The following ATP2B4 variants were observed in gnomAD, a reference collection of about 807,000 sequenced individuals.
The protein encoded by ATP2B4 is plasma membrane calcium-transporting ATPase 4.
A neutral mutation model predicts 110.3 loss-of-function variants in ATP2B4; 39 were observed. The observed-to-expected ratio is 0.35, with a 90% CI of 0.27 to 0.46. The LOEUF (loss-of-function observed/expected upper bound fraction) is 0.46, where lower values mean the gene tolerates loss of function less well. Ranked by LOEUF, ATP2B4 falls within the 20% of genes least tolerant of loss-of-function variation. ATP2B4 has a pLI of 1.00. For missense variants in ATP2B4, 1,135 were observed against 1,530.9 expected (o/e 0.74, Z 4.32); for synonymous variants, 538 against 571.7 (o/e 0.94, Z 0.84).
intron 1 of ATP2B4, among the ~76,000 whole-genome samples, chr1:203,673,346 C>T (rs948418378): frequency 6.6e-6 from 1 of 152,200 alleles, no homozygotes; most frequent in Non-Finnish European, 1.5e-5. Flanking sequence ...AAACATTACT[C>T]AAGTGCAAGG....
At chr1:203,738,668 A>C (rs761367844) in intron 20 of ATP2B4, among the ~76,000 whole-genome samples, 4 of 152,168 alleles carry the variant, frequency 2.6e-5, no homozygotes, top group African/African-American at 4.8e-5. Flanking sequence ...CACAATTTGG[A>C]AACAGCTAGA....
chr1:203,655,646 A>AAAC (rs1035864480), intron 1 of ATP2B4, among the ~76,000 whole-genome samples: 35 of 151,736 alleles, frequency 2.3e-4, no homozygotes, highest in Non-Finnish European at 3.7e-4. Flanking sequence ...ACTCCATCTC[A>AAAC]AATAATAATA....
chr1:203,711,693 A>G (rs1666013263), intron 12 of ATP2B4, among the ~76,000 whole-genome samples: 1 of 152,222 alleles, frequency 6.6e-6, no homozygotes, highest in South Asian at 2.1e-4. Flanking sequence ...TTGTAAGTGA[A>G]AGAGCAAGTT....
chr1:203,657,456 G>C, intron 1 of ATP2B4: 2 of 785,892 alleles, frequency 2.5e-6, no homozygotes, highest in Non-Finnish European at 4.7e-6. Context: ...TTTGGCTCGA[G>C]ATTGTCCCTC....
intron 1 of ATP2B4, among the ~76,000 whole-genome samples, chr1:203,672,324 C>CTTTTTTTTTTTTTTTTT (rs57144862): frequency 1.3e-5 from 1 of 79,626 alleles, no homozygotes; most frequent in Admixed American, 1.6e-4. Context: ...TGCGGTGGCT[C>CTTTTTTTTTTTTTTTTT]TTTTTTTTTT....
chr1:203,719,437 C>G (rs555197596), intron 15 of ATP2B4, among the ~76,000 whole-genome samples: 1 of 151,784 alleles, frequency 6.6e-6, no homozygotes, highest in Non-Finnish European at 1.5e-5. Context: ...AGTCTGGGCA[C>G]GGTGGCACAT....
chr1:203,710,220 A>C (rs1359373337), intron 11 of ATP2B4, among the ~76,000 whole-genome samples: 2 of 151,936 alleles, frequency 1.3e-5, no homozygotes, highest in Non-Finnish European at 2.9e-5. Flanking sequence ...AAATACAAAA[A>C]TTAGCCAGGC....
At chr1:203,718,326 T>C (rs1571759031) in intron 15 of ATP2B4, among the ~76,000 whole-genome samples, 1 of 152,080 alleles carries the variant, frequency 6.6e-6, no homozygotes, top group East Asian at 1.9e-4. Flanking sequence ...TGAGACACAG[T>C]CTCACTCTGT....
chr1:203,653,111 A>G (rs574504318), intron 1 of ATP2B4, among the ~76,000 whole-genome samples: 1 of 152,362 alleles, frequency 6.6e-6, no homozygotes, highest in South Asian at 2.1e-4. Flanking sequence ...TAACACACAA[A>G]TGATAAAAAA....
intron 1 of ATP2B4, among the ~76,000 whole-genome samples, chr1:203,665,321 C>G (rs1007894042): frequency 6.6e-6 from 1 of 152,220 alleles, no homozygotes; most frequent in East Asian, 1.9e-4. Flanking sequence ...TAGTGGGAGG[C>G]CCACGCTGTG....
chr1:203,681,571 G>C (rs1665014438), intron 1 of ATP2B4, among the ~76,000 whole-genome samples: 1 of 152,148 alleles, frequency 6.6e-6, no homozygotes, highest in African/African-American at 2.4e-5. Context: ...AGTGACACCT[G>C]TCAGTGGCAT....
At chr1:203,719,208 G>C (rs1666244194) in intron 15 of ATP2B4, among the ~76,000 whole-genome samples, 1 of 128,232 alleles carries the variant, frequency 7.8e-6, no homozygotes. Flanking sequence ...CTAGATGACA[G>C]AGCAAGACCC....
At chr1:203,655,075 T>C (rs931121122) in intron 1 of ATP2B4, among the ~76,000 whole-genome samples, 2 of 152,040 alleles carry the variant, frequency 1.3e-5, no homozygotes, top group Non-Finnish European at 2.9e-5. Flanking sequence ...GAATTAGAAG[T>C]AGAACCTGAG....
At chr1:203,705,534 C>T (rs1665826043) in intron 8 of ATP2B4, among the ~76,000 whole-genome samples, 1 of 152,212 alleles carries the variant, frequency 6.6e-6, no homozygotes, top group Admixed American at 6.5e-5. Context: ...TACAGATGTG[C>T]ATCACCATGC....
chr1:203,659,863 C>T (rs1000050950), intron 1 of ATP2B4, among the ~76,000 whole-genome samples: 1 of 151,906 alleles, frequency 6.6e-6, no homozygotes, highest in African/African-American at 2.4e-5. Context: ...GCAGGTGGAT[C>T]ACAAGATCAG....
intron 1 of ATP2B4, among the ~76,000 whole-genome samples, chr1:203,659,647 G>A (rs151165287): frequency 0.032 from 4,939 of 152,278 alleles, 155 homozygotes; most frequent in African/African-American, 0.082. Context: ...CTGAGTAACA[G>A]AGCAAGACCC....
intron 1 of ATP2B4, chr1:203,657,842 G>A (rs1664209707): frequency 2.3e-6 from 1 of 434,542 alleles, no homozygotes; most frequent in Admixed American, 4.2e-5. Context: ...ACTCCACGCA[G>A]GCCGGGACAG....
intron 15 of ATP2B4, among the ~76,000 whole-genome samples, chr1:203,714,805 A>G (rs1295267738): frequency 1.3e-5 from 2 of 152,190 alleles, no homozygotes; most frequent in Middle Eastern, 3.2e-3. Context: ...AGCCCCCCAG[A>G]TTCTATCCTC....
rs76560306 is a variant in ATP2B4, at chr1:203,632,875, A to G, written c.-465+5656A>G. ...GGTCTCACTATGGAAAAAGAGAGAT[A>G]TAAGTATGGAATGGGGGAAGGGGAA... On this transcript the variant is annotated intron_variant, in intron 1 of 20. Transcript: ENST00000357681. Among the ~76,000 whole-genome samples, 446 of 152,274 alleles carry G rather than the reference A, an allele frequency of 2.9e-3. 5 individuals are homozygous for G. The East Asian group carries it at 0.043, about 15-fold the overall frequency.
Sources: allele counts gnomAD v4.1 joint callset (sites outside exome capture counted in the v4.1 genomes callset), GRCh38; gene constraint gnomAD v4.1.1; transcripts MANE v1.5; gene names NCBI Gene and HGNC (gene_info 2026-07-23, HGNC 2026-07-21).